The following COL24A1 variants were observed in gnomAD, a reference collection of about 807,000 sequenced individuals.
COL24A1 encodes collagen alpha-1(XXIV) chain.
A neutral mutation model predicts 253.9 loss-of-function variants in COL24A1; 224 were observed. That is an observed-to-expected ratio of 0.88 (90% CI 0.79 to 0.99). COL24A1 has a LOEUF of 0.99. Ranked by LOEUF, COL24A1 falls within the 50% of genes least tolerant of loss-of-function variation. The pLI is 0.00. For synonymous variants in COL24A1, 685 were observed against 673.7 expected, an observed-to-expected ratio of 1.02 and a Z score of -0.26; for missense variants, 2,131 against 2,068.5, an observed-to-expected ratio of 1.03 and a Z score of -0.59.
rs746258377 is a variant in COL24A1 at position 85,971,342 on chromosome 1, G to A, written c.2416C>T (p.Gln806Ter). 35 of 1,611,974 alleles carry A rather than the reference G, an allele frequency of 2.2e-5. No homozygotes were observed. The highest frequency in any genetic ancestry group is 2.7e-5 in the Non-Finnish European group (32 of 1,179,142). ...PPGPPGLKGT[Q>*]GEEGPIGAFG... The stretch of plus-strand genomic sequence containing the variant: ...ACTGGATATCACTTCTTCCATACCT[G>A]AGTTCCTTTGAGACCAGGAGGTCCA... The change falls in exon 21 of 60, where the codon CAG (glutamine) becomes TAG (stop). Residue 806 changes from glutamine (Q) to a stop codon, truncating the protein, a stop_gained and splice_region_variant. Coordinates refer to ENST00000370571, the MANE Select transcript of COL24A1 (RefSeq NM_152890.7). LOFTEE classifies it high-confidence loss of function.
intron 5 of COL24A1, among the ~76,000 whole-genome samples, chr1:86,111,489 A>G (rs976273714): frequency 3.3e-5 from 5 of 149,368 alleles, no homozygotes; most frequent in Admixed American, 6.7e-5. Context: ...TGTCTAGCTC[A>G]AGGTTTGTAA....
chr1:86,145,738 A>T (rs1438736631), intron 2 of COL24A1, among the ~76,000 whole-genome samples: 5 of 152,074 alleles, frequency 3.3e-5, no homozygotes, highest in Non-Finnish European at 5.9e-5. Context: ...TAATGATGCA[A>T]ATCTGGACGG....
intron 2 of COL24A1, among the ~76,000 whole-genome samples, chr1:86,129,996 T>C (rs1648914407): frequency 6.6e-6 from 1 of 151,864 alleles, no homozygotes. Flanking sequence ...TATTTGGCCT[T>C]TTCTCTCTTG....
chr1:85,876,812 T>C (rs915112567), intron 33 of COL24A1, among the ~76,000 whole-genome samples: 1 of 152,240 alleles, frequency 6.6e-6, no homozygotes, highest in African/African-American at 2.4e-5. Flanking sequence ...GTCTCAGTAT[T>C]CTTCTATACA....
intron 19 of COL24A1, among the ~76,000 whole-genome samples, chr1:86,010,939 C>T (rs558061992): frequency 5.2e-4 from 79 of 152,150 alleles, no homozygotes; most frequent in African/African-American, 1.8e-3. Context: ...ATACACAACT[C>T]ACAAGAAAGA....
chr1:85,823,214 T>G (rs993350680), intron 45 of COL24A1, among the ~76,000 whole-genome samples: 2 of 152,202 alleles, frequency 1.3e-5, no homozygotes, highest in African/African-American at 4.8e-5. Flanking sequence ...TACCTTATAA[T>G]ACTAGTTTTA....
At chr1:85,839,879 A>G (rs953178094) in intron 42 of COL24A1, among the ~76,000 whole-genome samples, 2 of 152,168 alleles carry the variant, frequency 1.3e-5, no homozygotes, top group African/African-American at 4.8e-5. Flanking sequence ...TAAATCATCA[A>G]ATTATCTACT....
intron 37 of COL24A1, among the ~76,000 whole-genome samples, chr1:85,864,830 T>C (rs7523196): frequency 0.19 from 29,479 of 152,152 alleles, 3,226 homozygotes; most frequent in Non-Finnish European, 0.24. Flanking sequence ...TTCATTTTAA[T>C]ACATCCAACT....
At chr1:85,961,965 G>T (rs1691123183) in intron 23 of COL24A1, among the ~76,000 whole-genome samples, 1 of 152,062 alleles carries the variant, frequency 6.6e-6, no homozygotes, top group African/African-American at 2.4e-5. Flanking sequence ...ACCATATCAG[G>T]TAATAATCTA....
At chr1:86,129,062 T>C (rs970323110) in intron 2 of COL24A1, among the ~76,000 whole-genome samples, 11 of 151,918 alleles carry the variant, frequency 7.2e-5, no homozygotes, top group African/African-American at 2.2e-4. Flanking sequence ...ATAAACCAAA[T>C]TGATCATGTT....
At chr1:85,830,730 C>T (rs533405293) in intron 43 of COL24A1, among the ~76,000 whole-genome samples, 1 of 152,292 alleles carries the variant, frequency 6.6e-6, no homozygotes, top group African/African-American at 2.4e-5. Flanking sequence ...AAAGGGAACT[C>T]CCTGACCCCT....
At chr1:85,775,646 C>G (rs1467763376) in intron 53 of COL24A1, 28 bp downstream of exon 53, 3 of 1,596,046 alleles carry the variant, frequency 1.9e-6, no homozygotes, top group African/African-American at 2.7e-5. Flanking sequence ...GTCAGGGTTA[C>G]TATAATCACA....
chr1:85,818,221 T>C, intron 45 of COL24A1, 134 bp from the exon 46 acceptor site: 1 of 620,512 alleles, frequency 1.6e-6, no homozygotes, highest in East Asian at 2.7e-5. Context: ...AGGATTGCCA[T>C]TTAATTTTCC....
intron 19 of COL24A1, among the ~76,000 whole-genome samples, chr1:86,007,110 G>A (rs516799): frequency 0.18 from 27,524 of 151,898 alleles, 3,161 homozygotes; most frequent in African/African-American, 0.32. Context: ...CCCTACTCAG[G>A]CGGCTGAGGT....
chr1:85,988,724 T>C (rs1693959241), intron 19 of COL24A1, among the ~76,000 whole-genome samples: 1 of 152,026 alleles, frequency 6.6e-6, no homozygotes, highest in Non-Finnish European at 1.5e-5. Context: ...TGAAGTAAGA[T>C]GGAACAGCAA....
chr1:85,844,631 G>A (rs1009649756), intron 39 of COL24A1, among the ~76,000 whole-genome samples: 5 of 151,390 alleles, frequency 3.3e-5, no homozygotes, highest in Non-Finnish European at 7.4e-5. Flanking sequence ...GAGTAAACAC[G>A]ATAAAACAAC....
chr1:85,821,903 T>C (rs1009121747), intron 45 of COL24A1, among the ~76,000 whole-genome samples: 4 of 152,220 alleles, frequency 2.6e-5, no homozygotes, highest in Non-Finnish European at 5.9e-5. Context: ...CCTGCAAATA[T>C]GAAAGTATTA....
chr1:85,790,819 T>G (rs1670197607), intron 47 of COL24A1, among the ~76,000 whole-genome samples: 1 of 152,174 alleles, frequency 6.6e-6, no homozygotes. Flanking sequence ...GCTTAAAAAT[T>G]ATACAGTATA....
At chr1:86,086,649 C>T (rs1257362956) in intron 7 of COL24A1, among the ~76,000 whole-genome samples, 1 of 152,088 alleles carries the variant, frequency 6.6e-6, no homozygotes, top group Non-Finnish European at 1.5e-5. Flanking sequence ...GTGTAGAAAT[C>T]ATTGTAGGAA....
Sources: allele counts gnomAD v4.1 joint callset (sites outside exome capture counted in the v4.1 genomes callset), GRCh38; gene constraint gnomAD v4.1.1; transcripts MANE v1.5; gene names NCBI Gene and HGNC (gene_info 2026-07-23, HGNC 2026-07-21).